The following PDZRN4 variants were observed in gnomAD, a reference collection of about 807,000 sequenced individuals.
PDZRN4 encodes PDZ domain-containing RING finger protein 4.
PDZRN4 carries 70 observed loss-of-function variants against 99.0 expected under a neutral mutation model. The observed-to-expected ratio is 0.71, with a 90% CI of 0.58 to 0.86. PDZRN4 has a LOEUF of 0.86. Ranked by LOEUF, PDZRN4 falls within the 40% of genes least tolerant of loss-of-function variation. PDZRN4 has a pLI of 0.00. For synonymous variants in PDZRN4, 551 were observed against 501.6 expected, an observed-to-expected ratio of 1.10 and a Z score of -1.32; for missense variants, 1,474 against 1,331.2, an observed-to-expected ratio of 1.11 and a Z score of -1.67.
intron 3 of PDZRN4, among the ~76,000 whole-genome samples, chr12:41,452,611 A>G (rs1952784839): frequency 6.6e-6 from 1 of 152,130 alleles, no homozygotes. Flanking sequence ...TTACTGGGTT[A>G]CTTAGGGATA....
chr12:41,564,418 G>A (rs988793625), intron 8 of PDZRN4, among the ~76,000 whole-genome samples: 1 of 152,114 alleles, frequency 6.6e-6, no homozygotes, highest in African/African-American at 2.4e-5. Context: ...AGGCAGAAGG[G>A]ACAAAACATT....
In PDZRN4 at chr12:41,324,550, C is replaced by T. The variant is rs541260827; in HGVS notation, c.843+130362C>T. ...CAATATTTTTCGTTTACACACAGAT[C>T]TCTACAATCCAGCAACTGGTTTGTC... On this transcript the variant is annotated intron_variant, in intron 3 of 9. Coordinates refer to ENST00000402685, the MANE Select transcript of PDZRN4 (RefSeq NM_001164595.2). 3.3e-5 allele frequency among the ~76,000 whole-genome samples: 5 copies of T among 152,182 alleles called. No homozygotes were observed. The East Asian group carries it at 9.6e-4, about 29-fold the overall frequency.
intron 3 of PDZRN4, among the ~76,000 whole-genome samples, chr12:41,212,472 A>G (rs1950894838): frequency 6.6e-6 from 1 of 152,020 alleles, no homozygotes; most frequent in Non-Finnish European, 1.5e-5. Context: ...TGTGTTTTAT[A>G]TAAGAATACT....
intron 5 of PDZRN4, among the ~76,000 whole-genome samples, chr12:41,528,680 A>G (rs1938611899): frequency 6.6e-6 from 1 of 152,220 alleles, no homozygotes; most frequent in South Asian, 2.1e-4. Context: ...GAGAAAACAT[A>G]TTTTTGAAGA....
At chr12:41,553,527 C>A (rs200547336) in intron 6 of PDZRN4, among the ~76,000 whole-genome samples, 23 of 146,890 alleles carry the variant, frequency 1.6e-4, no homozygotes, top group South Asian at 2.2e-4. Flanking sequence ...TCTGTCTCTA[C>A]AAAAAAAAAA....
intron 3 of PDZRN4, among the ~76,000 whole-genome samples, chr12:41,240,887 C>T (rs1419817262): frequency 6.6e-6 from 1 of 152,120 alleles, no homozygotes; most frequent in Non-Finnish European, 1.5e-5. Context: ...GTTAGGATTT[C>T]AACATATGAA....
intron 3 of PDZRN4, among the ~76,000 whole-genome samples, chr12:41,397,560 T>C (rs1366061708): frequency 6.6e-6 from 1 of 152,160 alleles, no homozygotes; most frequent in African/African-American, 2.4e-5. Context: ...TCTAATAGGA[T>C]TGACAAGGCA....
chr12:41,445,138 A>G (rs1481064767), intron 3 of PDZRN4, among the ~76,000 whole-genome samples: 1 of 152,070 alleles, frequency 6.6e-6, no homozygotes, highest in Non-Finnish European at 1.5e-5. Flanking sequence ...ATACTGTAGG[A>G]AAACATTTTC....
chr12:41,481,491 T>C (rs1937673871), intron 3 of PDZRN4, among the ~76,000 whole-genome samples: 1 of 152,188 alleles, frequency 6.6e-6, no homozygotes, highest in Non-Finnish European at 1.5e-5. Flanking sequence ...TTTTTCCATA[T>C]GAAAATTTGA....
chr12:41,200,438 C>T (rs1259647410), intron 3 of PDZRN4, among the ~76,000 whole-genome samples: 1 of 152,050 alleles, frequency 6.6e-6, no homozygotes, highest in African/African-American at 2.4e-5. Flanking sequence ...ATCCTTATAC[C>T]ATTGAGTGTG....
intron 3 of PDZRN4, among the ~76,000 whole-genome samples, chr12:41,479,781 G>C (rs1014494022): frequency 6.6e-6 from 1 of 152,098 alleles, no homozygotes; most frequent in Non-Finnish European, 1.5e-5. Flanking sequence ...AAGAATATGA[G>C]AGCCCAGAAA....
chr12:41,572,467 G>A lies in PDZRN4; in HGVS notation c.1688G>A (p.Arg563Gln), dbSNP rs369918672. 28 of 1,613,978 alleles carry A rather than the reference G, an allele frequency of 1.7e-5. No individual in the cohort carries two copies. The highest frequency in any genetic ancestry group is 1.2e-4 in the South Asian group (11 of 91,084). ...SGVGRTDESL[R>Q]NDESSEQENA... ...GTAGGACGTACAGATGAAAGCTTGC[G>A]AAATGATGAGAGCTCAGAGCAGGAG... The change falls in exon 10 of 10, where the codon CGA (arginine) becomes CAA (glutamine). Residue 563 changes from arginine to glutamine, a missense_variant. Arg to Gln is a conservative substitution (Grantham distance 43). Coordinates refer to ENST00000402685, the MANE Select transcript of PDZRN4 (RefSeq NM_001164595.2).
chr12:41,224,803 T>TC (rs1255079281), intron 3 of PDZRN4, among the ~76,000 whole-genome samples: 1 of 152,144 alleles, frequency 6.6e-6, no homozygotes, highest in Admixed American at 6.6e-5. Flanking sequence ...TTGCTAATAT[T>TC]CCAATTGCAC....
At chr12:41,506,385 T>C (rs559068522) in intron 3 of PDZRN4, 71 bp from the exon 4 acceptor site, 2 of 1,424,726 alleles carry the variant, frequency 1.4e-6, no homozygotes, top group South Asian at 1.4e-5. Context: ...TCTCTCTGTC[T>C]TTTATTAATC....
chr12:41,514,003 T>C (rs1159043116), intron 5 of PDZRN4, among the ~76,000 whole-genome samples: 1 of 151,966 alleles, frequency 6.6e-6, no homozygotes, highest in Non-Finnish European at 1.5e-5. Flanking sequence ...CATTTTTACT[T>C]CTCCCTCAAT....
intron 3 of PDZRN4, among the ~76,000 whole-genome samples, chr12:41,306,711 A>G (rs529659725): frequency 4.3e-4 from 66 of 152,250 alleles, no homozygotes; most frequent in African/African-American, 1.6e-3. Context: ...TCTCTTCTTG[A>G]GTTTTGCTAG....
chr12:41,227,648 G>T (rs891630839), intron 3 of PDZRN4, among the ~76,000 whole-genome samples: 1 of 151,928 alleles, frequency 6.6e-6, no homozygotes, highest in Non-Finnish European at 1.5e-5. Flanking sequence ...CTTGACAACA[G>T]AGCCAGACCC....
chr12:41,406,089 T>TA (rs143300113), intron 3 of PDZRN4, among the ~76,000 whole-genome samples: 5,269 of 151,756 alleles, frequency 0.035, 303 homozygotes, highest in African/African-American at 0.12. Flanking sequence ...TATTTAAAAC[T>TA]AAAAAAAACC....
At chr12:41,202,911 T>TTGTA (rs1390410347) in intron 3 of PDZRN4, among the ~76,000 whole-genome samples, 5 of 152,046 alleles carry the variant, frequency 3.3e-5, no homozygotes, top group Non-Finnish European at 7.4e-5. Context: ...ATATTGTTAT[T>TTGTA]TGTATGTAAA....
Sources: gnomAD v4.1 joint callset for allele counts (sites outside exome capture counted in the v4.1 genomes callset) on GRCh38, gnomAD v4.1.1 for gene constraint, MANE v1.5 for transcripts, NCBI Gene and HGNC (gene_info 2026-07-23, HGNC 2026-07-21) for gene names.